The following PLXNA4 variants were observed in gnomAD, a reference collection of about 807,000 sequenced individuals.
PLXNA4 encodes plexin-A4.
In PLXNA4, 44 loss-of-function variants were observed where a neutral mutation model predicts 191.8. The ratio of observed to expected loss-of-function variants is 0.23; its 90% confidence interval spans 0.18 to 0.29. The LOEUF is 0.29. Ranked by LOEUF, PLXNA4 falls within the 10% of genes least tolerant of loss-of-function variation. The pLI is 1.00. For missense variants in PLXNA4, 1,800 were observed against 2,488.8 expected (o/e 0.72, Z 5.89); for synonymous variants, 1,082 against 1,009.5 (o/e 1.07, Z -1.36).
chr7:132,382,025 G>GA (rs5887572), intron 3 of PLXNA4, among the ~76,000 whole-genome samples: 69,560 of 152,050 alleles, frequency 0.46, 18,473 homozygotes, highest in African/African-American at 0.73. Flanking sequence ...GAGGAGGGGG[G>GA]AAAACACAGA....
chr7:132,477,621 G>A (rs1797182964), intron 3 of PLXNA4, among the ~76,000 whole-genome samples: 2 of 152,324 alleles, frequency 1.3e-5, no homozygotes, highest in South Asian at 2.1e-4. Context: ...ACAGGCACTA[G>A]AAGACCCTAA....
intron 3 of PLXNA4, among the ~76,000 whole-genome samples, chr7:132,458,770 A>G (rs1337433792): frequency 2.0e-5 from 3 of 152,154 alleles, no homozygotes; most frequent in African/African-American, 7.2e-5. Flanking sequence ...ATGTACACTT[A>G]GGACATACGC....
intron 9 of PLXNA4, among the ~76,000 whole-genome samples, chr7:132,215,867 C>T (rs1440517279): frequency 6.6e-6 from 1 of 152,168 alleles, no homozygotes; most frequent in African/African-American, 2.4e-5. Context: ...CTGCATCTGG[C>T]TGTTTATCTG....
intron 3 of PLXNA4, among the ~76,000 whole-genome samples, chr7:132,446,878 C>T: frequency 6.6e-6 from 1 of 152,190 alleles, no homozygotes; most frequent in East Asian, 1.9e-4. Flanking sequence ...AGCAGGCCTG[C>T]AGCAGACACA....
intron 7 of PLXNA4, among the ~76,000 whole-genome samples, chr7:132,226,816 G>GC (rs1335615681): frequency 6.6e-6 from 1 of 152,148 alleles, no homozygotes; most frequent in Non-Finnish European, 1.5e-5. Context: ...CTGACCCTAG[G>GC]CCCCCACTTC....
chr7:132,282,700 G>A (rs1044924646), intron 4 of PLXNA4, among the ~76,000 whole-genome samples: 1 of 139,762 alleles, frequency 7.2e-6, no homozygotes, highest in Non-Finnish European at 1.5e-5. Context: ...TTTCTTCATC[G>A]GAGAGTGTTC....
chr7:132,419,493 A>T (rs1794777990), intron 3 of PLXNA4, among the ~76,000 whole-genome samples: 1 of 152,268 alleles, frequency 6.6e-6, no homozygotes, highest in Non-Finnish European at 1.5e-5. Context: ...ATGACTGAGA[A>T]TACACATACA....
chr7:132,456,332 C>T (rs1478669866), intron 3 of PLXNA4, among the ~76,000 whole-genome samples: 6 of 152,000 alleles, frequency 3.9e-5, no homozygotes, highest in Non-Finnish European at 5.9e-5. Context: ...AGGCTGGTCT[C>T]GAACTTCTGA....
chr7:132,466,868 G>A (rs1403840543), intron 3 of PLXNA4, among the ~76,000 whole-genome samples: 1 of 152,168 alleles, frequency 6.6e-6, no homozygotes, highest in East Asian at 1.9e-4. Flanking sequence ...GACCATAGTT[G>A]CAATTGCCTG....
At chr7:132,400,016 G>A (rs1337425981) in intron 3 of PLXNA4, among the ~76,000 whole-genome samples, 1 of 152,094 alleles carries the variant, frequency 6.6e-6, no homozygotes, top group African/African-American at 2.4e-5. Flanking sequence ...CTGGGCATTT[G>A]TAAGTTGGAA....
At chr7:132,262,844 A>G (rs1562998796) in intron 4 of PLXNA4, among the ~76,000 whole-genome samples, 1 of 151,950 alleles carries the variant, frequency 6.6e-6, no homozygotes. Flanking sequence ...GTCCCTAGAG[A>G]CCACTTGTCG....
chr7:132,383,776 G>T, intron 3 of PLXNA4: 1 of 985,072 alleles, frequency 1.0e-6, no homozygotes, highest in Non-Finnish European at 1.2e-6. Flanking sequence ...TTAAAAAATT[G>T]TCACCAGTTC....
intron 3 of PLXNA4, among the ~76,000 whole-genome samples, chr7:132,442,873 G>A (rs964695175): frequency 4.7e-4 from 72 of 152,178 alleles, no homozygotes; most frequent in South Asian, 4.1e-4. Flanking sequence ...GGGCTGGCAC[G>A]GCCTGAGAGG....
At chr7:132,251,978 C>T (rs1313614445) in intron 4 of PLXNA4, among the ~76,000 whole-genome samples, 1 of 152,180 alleles carries the variant, frequency 6.6e-6, no homozygotes. Context: ...CATAGGGCCC[C>T]ACTCTCAGAA....
chr7:132,398,383 T>TCACTATCA (rs769931785), intron 3 of PLXNA4, among the ~76,000 whole-genome samples: 6 of 152,230 alleles, frequency 3.9e-5, no homozygotes, highest in Non-Finnish European at 8.8e-5. Context: ...GCCCATGTCC[T>TCACTATCA]CACTATCACA....
At chr7:132,257,548 G>A (rs1443350796) in intron 4 of PLXNA4, among the ~76,000 whole-genome samples, 1 of 152,176 alleles carries the variant, frequency 6.6e-6, no homozygotes, top group African/African-American at 2.4e-5. Context: ...AGACTTCAGG[G>A]CTGGCCATAT....
chr7:132,510,358 A>T (rs1210450909), intron 1 of PLXNA4, among the ~76,000 whole-genome samples: 1 of 152,230 alleles, frequency 6.6e-6, no homozygotes, highest in Non-Finnish European at 1.5e-5. Context: ...TCCTAATGAA[A>T]AGCACAGGCC....
chr7:132,467,267 T>C (rs947957129), intron 3 of PLXNA4, among the ~76,000 whole-genome samples: 3 of 152,044 alleles, frequency 2.0e-5, no homozygotes, highest in African/African-American at 7.2e-5. Flanking sequence ...TTGACCTATA[T>C]TGGGGGGTGA....
At position 132,173,959 on chromosome 7, in the gene PLXNA4, C is replaced by T. The variant is rs542201661; in HGVS notation, c.4017+819G>A. 2.2e-3 allele frequency among the ~76,000 whole-genome samples: 341 copies of T among 152,324 alleles called. 2 individuals carry two copies. The highest frequency in any genetic ancestry group is 3.4e-3 in the Non-Finnish European group (233 of 68,032). ...CCAGCTGTGTGGTCCCAGGCAACCA[C>T]TGAACTCTGGCCCCTTAGTTTTGTC... On this transcript the variant is annotated intron_variant, in intron 21 of 31. Coordinates refer to ENST00000321063, the MANE Select transcript of PLXNA4 (RefSeq NM_020911.2).
Sources: allele counts gnomAD v4.1 joint callset (sites outside exome capture counted in the v4.1 genomes callset), GRCh38; gene constraint gnomAD v4.1.1; transcripts MANE v1.5; gene names NCBI Gene and HGNC (gene_info 2026-07-23, HGNC 2026-07-21).